The following GALNT10 variants were observed in gnomAD, a reference collection of about 807,000 sequenced individuals.
GALNT10 encodes the protein polypeptide N-acetylgalactosaminyltransferase 10.
A neutral mutation model predicts 75.0 loss-of-function variants in GALNT10; 41 were observed. The observed-to-expected ratio is 0.55, with a 90% CI of 0.43 to 0.71. GALNT10 has a LOEUF of 0.71. GALNT10 is among the 30% of genes least tolerant of loss of function. The probability of loss-of-function intolerance (pLI) is 0.00; values close to 1 mark genes in which losing one functional copy is unlikely to be tolerated. For synonymous variants in GALNT10, 302 were observed against 313.0 expected, an observed-to-expected ratio of 0.96 and a Z score of 0.37; for missense variants, 727 against 818.5, an observed-to-expected ratio of 0.89 and a Z score of 1.36.
At chr5:154,297,122 A>C (rs1319023208) in intron 2 of GALNT10, among the ~76,000 whole-genome samples, 3 of 152,132 alleles carry the variant, frequency 2.0e-5, no homozygotes. Flanking sequence ...GCAGGGGTCG[A>C]TGTGGACATT....
intron 1 of GALNT10, among the ~76,000 whole-genome samples, chr5:154,240,629 G>T (rs1353776273): frequency 6.6e-6 from 1 of 152,228 alleles, no homozygotes; most frequent in Non-Finnish European, 1.5e-5. Context: ...GCTATTAATT[G>T]ATTGAAAACA....
chr5:154,226,608 A>C (rs759543742), intron 1 of GALNT10, among the ~76,000 whole-genome samples: 2 of 152,196 alleles, frequency 1.3e-5, no homozygotes, highest in African/African-American at 4.8e-5. Flanking sequence ...TACTTTTAAG[A>C]TGTTATCTCT....
At chr5:154,335,047 G>A (rs1754923326) in intron 4 of GALNT10, among the ~76,000 whole-genome samples, 2 of 152,122 alleles carry the variant, frequency 1.3e-5, no homozygotes, top group South Asian at 2.1e-4. Flanking sequence ...CCCATTTCTT[G>A]TCTTCTCTCC....
At chr5:154,360,020 T>C (rs1403608112) in intron 4 of GALNT10, among the ~76,000 whole-genome samples, 1 of 152,096 alleles carries the variant, frequency 6.6e-6, no homozygotes, top group Non-Finnish European at 1.5e-5. Flanking sequence ...ATTTACACCA[T>C]GAGCATACGT....
At chr5:154,226,468 A>G (rs1031974694) in intron 1 of GALNT10, among the ~76,000 whole-genome samples, 1 of 152,168 alleles carries the variant, frequency 6.6e-6, no homozygotes, top group Non-Finnish European at 1.5e-5. Context: ...ATATGATTCT[A>G]GTTGACAGTG....
At chr5:154,388,829 T>G (rs1755846618) in intron 7 of GALNT10, 1 of 146,210 alleles carries the variant, frequency 6.8e-6, no homozygotes, top group Admixed American at 6.9e-5. Flanking sequence ...TGGGAGGATC[T>G]CTTGAGCCTA....
At chr5:154,297,902 T>C (rs1216998313) in intron 2 of GALNT10, 39 bp from the exon 3 acceptor site, 1 of 1,593,492 alleles carries the variant, frequency 6.3e-7, no homozygotes, top group Non-Finnish European at 8.6e-7. Context: ...CAGTACCCCA[T>C]ACATCATTAG....
chr5:154,219,655 G>GC (rs1004074986), intron 1 of GALNT10: 1 of 152,180 alleles, frequency 6.6e-6, no homozygotes, highest in African/African-American at 2.4e-5. Flanking sequence ...CTATGGGTGG[G>GC]CCGGGGAATC....
chr5:154,344,520 T>TA (rs1438338155), intron 4 of GALNT10, among the ~76,000 whole-genome samples: 2 of 152,182 alleles, frequency 1.3e-5, no homozygotes, highest in African/African-American at 2.4e-5. Flanking sequence ...AATACATTTC[T>TA]AAAAAAGGTG....
intron 1 of GALNT10, among the ~76,000 whole-genome samples, chr5:154,271,499 G>T (rs1193003596): frequency 1.3e-5 from 2 of 152,124 alleles, no homozygotes; most frequent in Non-Finnish European, 2.9e-5. Context: ...AAATAATAGA[G>T]CCAAAGCCTC....
chr5:154,371,565 C>CAT (rs1289846198), intron 4 of GALNT10, among the ~76,000 whole-genome samples: 29 of 47,482 alleles, frequency 6.1e-4, no homozygotes, highest in African/African-American at 1.6e-3. Flanking sequence ...TGTGTGTGTA[C>CAT]ACACACACAC....
intron 8 of GALNT10, among the ~76,000 whole-genome samples, chr5:154,408,902 A>AATCCCCT (rs1756337909): frequency 6.6e-6 from 1 of 152,104 alleles, no homozygotes; most frequent in East Asian, 1.9e-4. Flanking sequence ...ACATGGCTGG[A>AATCCCCT]TTCTGGTGTT....
intron 7 of GALNT10, among the ~76,000 whole-genome samples, chr5:154,398,971 G>T (rs2113205369): frequency 6.6e-6 from 1 of 152,316 alleles, no homozygotes; most frequent in South Asian, 2.1e-4. Flanking sequence ...AAGTAGAAAT[G>T]ACTAACATTC....
rs147034895 is a variant in GALNT10, at chr5:154,344,417, G to A, written c.568+14679G>A. On this transcript the variant is annotated intron_variant, in intron 4 of 11. Coordinates refer to ENST00000297107, the MANE Select transcript of GALNT10 (RefSeq NM_198321.4). ...AATAGAAACAGGGTTTCACTATGTT[G>A]GCCAGGATGGTCTCGATCTCCTGAC... Among the ~76,000 whole-genome samples, 796 of 151,904 alleles carry A rather than the reference G, an allele frequency of 5.2e-3. 9 individuals are homozygous for A. Among genetic ancestry groups the A allele is most frequent in the African/African-American group, 0.017 (693 of 41,406 alleles).
chr5:154,341,792 T>C (rs1581982468), intron 4 of GALNT10, among the ~76,000 whole-genome samples: 1 of 152,282 alleles, frequency 6.6e-6, no homozygotes, highest in African/African-American at 2.4e-5. Flanking sequence ...ATATTCTTTG[T>C]AGTAGACACA....
intron 3 of GALNT10, among the ~76,000 whole-genome samples, chr5:154,302,415 G>A (rs62379870): frequency 0.095 from 14,482 of 152,292 alleles, 748 homozygotes; most frequent in African/African-American, 0.14. Flanking sequence ...TGCCAAGTGA[G>A]CGTGAACAGT....
chr5:154,202,528 A>G (rs1433312217), intron 1 of GALNT10, among the ~76,000 whole-genome samples: 2 of 152,180 alleles, frequency 1.3e-5, no homozygotes, highest in East Asian at 3.8e-4. Flanking sequence ...GGGAAAACTG[A>G]GGCTCAGGAA....
rs1774905565 is a variant in GALNT10, at chr5:154,194,500, C to A, written c.159+3475C>A. Among the ~76,000 whole-genome samples the A allele has an allele frequency of 2.0e-5, 3 of 152,260 alleles. 1 individual carries two copies. The highest frequency in any genetic ancestry group is 2.0e-4 in the Admixed American group (3 of 15,292). ...GGGTTGTTGATTTGCCAGAACAAAT[C>A]CGGCTCCCTACATTCTTTCTGTCAT... On this transcript the variant is annotated intron_variant, in intron 1 of 11. Coordinates refer to ENST00000297107, the MANE Select transcript of GALNT10 (RefSeq NM_198321.4).
chr5:154,355,466 G>T (rs796358205), intron 4 of GALNT10, among the ~76,000 whole-genome samples: 27 of 152,286 alleles, frequency 1.8e-4, no homozygotes, highest in African/African-American at 6.0e-4. Flanking sequence ...CTCCCATTCC[G>T]GGCCTGGCCC....
Sources: gnomAD v4.1 joint callset for allele counts (sites outside exome capture counted in the v4.1 genomes callset) on GRCh38, gnomAD v4.1.1 for gene constraint, MANE v1.5 for transcripts, NCBI Gene and HGNC (gene_info 2026-07-23, HGNC 2026-07-21) for gene names.